NFE2: variants seen among roughly 807,000 people sequenced by gnomAD.
The protein encoded by NFE2 is nuclear factor, erythroid 2, also known as transcription factor NF-E2 45 kDa subunit.
Under a neutral mutation model 25.8 loss-of-function variants are expected in NFE2, and 13 were observed. The observed-to-expected ratio is 0.50, with a 90% confidence interval of 0.33 to 0.80. The LOEUF (loss-of-function observed/expected upper bound fraction) is 0.80, where lower values mean the gene tolerates loss of function less well. Among genes scored for constraint, NFE2 ranks in the 30% least tolerant of loss-of-function variants. NFE2 has a pLI of 0.02. For synonymous variants in NFE2, 204 were observed against 200.2 expected (o/e 1.02, Z -0.16); for missense variants, 382 against 478.9 (o/e 0.80, Z 1.89).
At chr12:54,298,522 A>C (rs1159678711) in intron 1 of NFE2, among the ~76,000 whole-genome samples, 1 of 151,468 alleles carries the variant, frequency 6.6e-6, no homozygotes. Context: ...AAAAAAAAAA[A>C]AAAAAAAAGA....
At position 54,295,150 on chromosome 12, in the gene NFE2, G is replaced by A. The variant is rs1944359666; in HGVS notation, c.99C>T (p.Ser33=). Residue 33 remains serine, a synonymous_variant, in exon 2 of 3, where the codon TCC becomes TCT. Transcript: ENST00000435572. ...EMELTWQEIM[S]ITELQGLNAP... is the part of the protein sequence containing the mutation. ...CCTTACTCACCTGCAGCTCGGTGAT[G>A]GACATGATCTCCTGCCAAGTCAGTT... is the stretch of plus-strand genomic sequence containing the variant. The A allele has an allele frequency of 6.2e-7, 1 of 1,613,940 alleles. No individual in the cohort carries two copies. Among genetic ancestry groups the A allele is most frequent in the Non-Finnish European group, 8.5e-7 (1 of 1,179,876 alleles).
chr12:54,297,356 CAAAAA>C (rs35611028), intron 1 of NFE2, among the ~76,000 whole-genome samples: 3 of 49,990 alleles, frequency 6.0e-5, no homozygotes, highest in African/African-American at 2.7e-4. Flanking sequence ...GACCCTGTCT[CAAAAA>C]AAAAAAAAAA....
At chr12:54,300,029 G>C (rs955288943) in intron 1 of NFE2, 1 of 152,190 alleles carries the variant, frequency 6.6e-6, no homozygotes, top group African/African-American at 2.4e-5. Context: ...AAACAAATGT[G>C]TGAGAACAAA....
At chr12:54,300,434 A>G (rs1263144291) in intron 1 of NFE2, among the ~76,000 whole-genome samples, 2 of 152,140 alleles carry the variant, frequency 1.3e-5, no homozygotes, top group African/African-American at 2.4e-5. Flanking sequence ...GACAGGGCAG[A>G]GTAATGGAAT....
At chr12:54,297,317 C>T (rs1291945886) in intron 1 of NFE2, among the ~76,000 whole-genome samples, 7 of 142,842 alleles carry the variant, frequency 4.9e-5, no homozygotes, top group Admixed American at 1.4e-4. Flanking sequence ...ATTGTGCCAC[C>T]GCACTCGAGA....
At chr12:54,293,550 A>G (rs1592179727) in intron 2 of NFE2, among the ~76,000 whole-genome samples, 169 bp from the exon 3 acceptor site, 1 of 152,226 alleles carries the variant, frequency 6.6e-6, no homozygotes, top group Non-Finnish European at 1.5e-5. Context: ...CAGTTGTTGC[A>G]AGAAAAATGC....
At position 54,295,270 on chromosome 12, in the gene NFE2, C is replaced by A; in HGVS notation, c.-22G>T. 2 of 1,606,048 alleles carry A rather than the reference C, an allele frequency of 1.2e-6. No individual in the cohort carries two copies. Among genetic ancestry groups the A allele is most frequent in the South Asian group, 2.2e-5 (2 of 90,816 alleles). Reference sequence around the variant, plus strand: ...ACATCCTACTGGGCCAGAGTCTGGTCCAGGTTCCCGGAAAGCCCAGATGGC... The same window carrying A: ...ACATCCTACTGGGCCAGAGTCTGGTACAGGTTCCCGGAAAGCCCAGATGGC... On this transcript the variant is annotated 5_prime_UTR_variant, in exon 2 of 3. Transcript: ENST00000435572.
At chr12:54,293,409 G>A (rs1451817080) in intron 2 of NFE2, 28 bp from the exon 3 acceptor site, 4 of 1,444,328 alleles carry the variant, frequency 2.8e-6, no homozygotes, top group Non-Finnish European at 3.7e-6. Context: ...AAGAGATTTG[G>A]AGACAGACTA....
rs561417258 is a variant in NFE2, at chr12:54,292,141, T to C, written c.*233A>G. 17 of 557,634 alleles carry C rather than the reference T, an allele frequency of 3.0e-5. No homozygotes were observed. In the South Asian group the frequency reaches 3.9e-4, roughly 13 times the overall value. 34.5% of individuals were successfully genotyped at this position (557,634 alleles called of 1,614,324 possible). A position where few individuals can be genotyped will look rare whatever the true frequency, so the allele number is the denominator to read the frequency against. ...GTAGCGCACTTTATAGACCAAAGCT[T>C]AGACAAGGTGGAGGCTAAAGACCTG... On this transcript the variant is annotated 3_prime_UTR_variant, in exon 3 of 3. Transcript: ENST00000435572.
chr12:54,294,190 A>G (rs1944346882), intron 2 of NFE2, among the ~76,000 whole-genome samples: 1 of 149,874 alleles, frequency 6.7e-6, no homozygotes, highest in Non-Finnish European at 1.5e-5. Flanking sequence ...GTGAACCAAG[A>G]TTGCACCACT....
chr12:54,295,388 G>C (rs545279023), intron 1 of NFE2, 84 bp from the exon 2 acceptor site: 1 of 628,354 alleles, frequency 1.6e-6, no homozygotes, highest in African/African-American at 1.8e-5. Flanking sequence ...GCTCCCTCCA[G>C]CTTCCCCTGA....
chr12:54,292,245 A>G lies in NFE2; in HGVS notation c.*129T>C. 1.1e-5 allele frequency: 11 copies of G among 965,580 alleles called. 1 individual carries two copies. In the South Asian group the frequency reaches 1.3e-4, roughly 12 times the overall value. 59.8% of individuals were successfully genotyped at this position (965,580 alleles called of 1,614,324 possible). ...TGAACACACCTTGGAACTTCCAAAC[A>G]CTTGTTGCCATTGTCATCCTCTTCT... is the stretch of plus-strand genomic sequence containing the variant. On this transcript the variant is annotated 3_prime_UTR_variant, in exon 3 of 3. Transcript: ENST00000435572.
rs568273067 is a variant in NFE2, at chr12:54,292,389, C to T, written c.1107G>A (p.Met369Ile). The change falls in exon 3 of 3, where the codon ATG becomes ATA. Residue 369 changes from methionine to isoleucine, a missense_variant. Transcript: ENST00000435572. Reference protein sequence around the residue: ...TIFLVPRGTKMEATD With the variant: ...TIFLVPRGTKIEATD ...CTGGGCCAGCTCAGTCTGTGGCCTC[C>T]ATCTTGGTCCCCCGGGGCACAAGGA... The T allele has an allele frequency of 1.2e-6, 2 of 1,613,714 alleles. No homozygotes were observed. The highest frequency in any genetic ancestry group is 2.7e-5 in the African/African-American group (2 of 75,056).
chr12:54,296,430 G>C (rs1944373802), intron 1 of NFE2, among the ~76,000 whole-genome samples: 2 of 129,248 alleles, frequency 1.5e-5, no homozygotes, highest in African/African-American at 5.9e-5. Flanking sequence ...AAAAAAAAAA[G>C]ACTGGTTTTC....
Position 54,295,312 on chromosome 12 carries a change from A to G in NFE2, c.-56-8T>C. On this transcript the variant is annotated splice_polypyrimidine_tract_variant and splice_region_variant and intron_variant, in intron 1 of 2. Transcript: ENST00000435572. ...CCAGATGGCTCTAGAAACCTGTGTC[A>G]AAGGAAAAGAGGTGTTAGAGCTACA... The G allele has an allele frequency of 2.2e-6, 3 of 1,366,036 alleles. No homozygotes were observed. The highest frequency in any genetic ancestry group is 3.1e-6 in the Non-Finnish European group (3 of 958,512). The allele number at this position is 1,366,036 out of a possible 1,614,324, so 84.6% of individuals were successfully genotyped here.
rs1402201465 is a variant in NFE2 at position 54,292,720 on chromosome 12, A to T, written c.776T>A (p.Leu259Gln). The T allele has an allele frequency of 6.2e-7, 1 of 1,614,106 alleles. No homozygotes were observed. The highest frequency in any genetic ancestry group is 8.5e-7 in the Non-Finnish European group (1 of 1,180,046). The change falls in exon 3 of 3, where the codon CTG becomes CAG. Residue 259 changes from leucine (L) to glutamine (Q), a missense_variant. By Grantham distance (113) the Leu-to-Gln change is moderately radical. Transcript: ENST00000435572. The part of the protein sequence containing the change: ...DFNELLARYP[L>Q]TESQLALVRD... Reference sequence around the variant, plus strand: ...GACTAGCGCTAGCTGGCTCTCTGTCAGCGGGTACCTTGCCAATAGCTCATT... The same window carrying T: ...GACTAGCGCTAGCTGGCTCTCTGTCTGCGGGTACCTTGCCAATAGCTCATT...
intron 1 of NFE2, among the ~76,000 whole-genome samples, chr12:54,299,670 C>T (rs1159679415): frequency 6.6e-6 from 1 of 152,116 alleles, no homozygotes; most frequent in African/African-American, 2.4e-5. Flanking sequence ...GAGGACTATT[C>T]GGAGAGGGAT....
At chr12:54,299,741 G>A (rs1944405800) in intron 1 of NFE2, among the ~76,000 whole-genome samples, 2 of 152,068 alleles carry the variant, frequency 1.3e-5, no homozygotes, top group Non-Finnish European at 2.9e-5. Context: ...CTTCCTTAAC[G>A]AGGGGGAACG....
chr12:54,294,989 C>T (rs910531696), intron 2 of NFE2, 146 bp downstream of exon 2: 14 of 659,136 alleles, frequency 2.1e-5, no homozygotes, highest in Middle Eastern at 3.2e-4. Flanking sequence ...GTCTTCCATC[C>T]GGATCTTTCC....
Sources: gnomAD v4.1 joint callset for allele counts (sites outside exome capture counted in the v4.1 genomes callset) on GRCh38, gnomAD v4.1.1 for gene constraint, MANE v1.5 for transcripts, NCBI Gene and HGNC (gene_info 2026-07-23, HGNC 2026-07-21) for gene names.